The following SPATA6L variants were observed in gnomAD, a reference collection of about 807,000 sequenced individuals.
SPATA6L encodes the protein spermatogenesis associated 6 like.
In SPATA6L, 68 loss-of-function variants were observed where a neutral mutation model predicts 49.2. The ratio of observed to expected loss-of-function variants is 1.38; its 90% CI spans 1.14 to 1.69. The LOEUF (loss-of-function observed/expected upper bound fraction) is 1.69, where lower values mean the gene tolerates loss of function less well. SPATA6L is among the 40% of genes most tolerant of loss of function. The probability of loss-of-function intolerance (pLI) is 0.00; values close to 1 mark genes in which losing one functional copy is unlikely to be tolerated. For missense variants in SPATA6L, 668 were observed against 464.3 expected (o/e 1.44, Z -4.03); for synonymous variants, 198 against 165.7 (o/e 1.19, Z -1.50).
At chr9:4,609,188 T>A (rs966437471) in intron 9 of SPATA6L, among the ~76,000 whole-genome samples, 2 of 151,506 alleles carry the variant, frequency 1.3e-5, no homozygotes, top group African/African-American at 4.9e-5. Context: ...CACGACCAGA[T>A]GGATTCACAG....
At chr9:4,596,856 G>A (rs1252183617), downstream of SPATA6L, among the ~76,000 whole-genome samples, 1 of 152,210 alleles carries the variant, frequency 6.6e-6, no homozygotes, top group Non-Finnish European at 1.5e-5. Flanking sequence ...ACAGAGCAGG[G>A]TTTGCAAACT....
chr9:4,622,134 C>T (rs1359360042), intron 7 of SPATA6L, among the ~76,000 whole-genome samples: 1 of 152,162 alleles, frequency 6.6e-6, no homozygotes, highest in Non-Finnish European at 1.5e-5. Flanking sequence ...ACTCTGCTTC[C>T]CCGGAACAGC....
chr9:4,651,407 C>T (rs1836817904), intron 3 of SPATA6L, among the ~76,000 whole-genome samples: 2 of 152,178 alleles, frequency 1.3e-5, no homozygotes, highest in African/African-American at 2.4e-5. Context: ...CAGATGGCTT[C>T]ACTGGTAAAT....
chr9:4,662,478 G>GGCA lies in SPATA6L; in HGVS notation c.40-445_40-443dup, dbSNP rs762236793. Reference sequence around the variant, plus strand: ...CCCAGCCCATGGCGGCGGTGGCGGCGGCAGCAGGTTTGAGTTCCAGTCCCT... The same window carrying GGCA: ...CCCAGCCCATGGCGGCGGTGGCGGCGGCAGCAGCAGGTTTGAGTTCCAGTCCCT... On this transcript the variant is annotated intron_variant, in intron 1 of 11. Transcript: ENST00000682582. This position sits in a 1 kb window ranked among gnomAD's most constrained non-coding sequence, Gnocchi z 4.9. The GGCA allele has an allele frequency of 1.9e-6, 3 of 1,551,526 alleles. No individual in the cohort carries two copies. The highest frequency in any genetic ancestry group is 1.7e-6 in the Non-Finnish European group (2 of 1,158,306).
At chr9:4,625,217 C>T in intron 6 of SPATA6L, 110 bp downstream of exon 6, 3 of 1,443,620 alleles carry the variant, frequency 2.1e-6, no homozygotes, top group Non-Finnish European at 2.7e-6. Context: ...TTTGAAGTAC[C>T]TTTTTATTGA....
chr9:4,629,203 C>G, intron 4 of SPATA6L, 35 bp from the exon 5 acceptor site: 1 of 1,455,336 alleles, frequency 6.9e-7, no homozygotes, highest in East Asian at 2.3e-5. Context: ...AATAAAATTA[C>G]TAGAAACAGT....
At chr9:4,610,586 C>A (rs888667154) in intron 9 of SPATA6L, among the ~76,000 whole-genome samples, 1 of 150,566 alleles carries the variant, frequency 6.6e-6, no homozygotes, top group Non-Finnish European at 1.5e-5. Flanking sequence ...GGAAAACTGG[C>A]TAGCCATATG....
chr9:4,590,015 C>A (rs1821803677), intron 13 of SPATA6L, among the ~76,000 whole-genome samples: 1 of 152,098 alleles, frequency 6.6e-6, no homozygotes, highest in Non-Finnish European at 1.5e-5. Context: ...CCTCTGCCTC[C>A]TAGGTTCAAG....
At position 4,618,083 on chromosome 9, in the gene SPATA6L, C is replaced by T. The variant is rs774841668; in HGVS notation, c.835G>A (p.Val279Ile). 2.5e-6 allele frequency: 4 copies of T among 1,612,302 alleles called. No homozygotes were observed. The highest frequency in any genetic ancestry group is 2.7e-5 in the African/African-American group (2 of 75,000). ...CATGATGATGAGTCACTCCTTAAAA[C>T]AATCCGTTCATCTGGCTCTTTGATA... The part of the protein sequence containing the change: ...KVIKEPDERI[V>I]LRSDSSSCLD... The change falls in exon 9 of 12, where the codon GTT becomes ATT. Residue 279 changes from valine (V) to isoleucine (I), a missense_variant. Transcript: ENST00000682582.
At chr9:4,643,881 C>T (rs1410344255) in intron 3 of SPATA6L, among the ~76,000 whole-genome samples, 3 of 152,006 alleles carry the variant, frequency 2.0e-5, no homozygotes, top group Admixed American at 6.6e-5. Context: ...TTGGCAGGTG[C>T]CCATAATTCC....
chr9:4,624,727 C>CA (rs58455568), intron 6 of SPATA6L, among the ~76,000 whole-genome samples: 6,030 of 72,076 alleles, frequency 0.084, 244 homozygotes, highest in African/African-American at 0.15. Flanking sequence ...GACTCTGTCT[C>CA]AAAAAAAAAA....
intron 7 of SPATA6L, among the ~76,000 whole-genome samples, chr9:4,619,346 TG>T (rs1828756780): frequency 6.6e-6 from 1 of 151,850 alleles, no homozygotes; most frequent in Admixed American, 6.6e-5. Flanking sequence ...TTAGTAGAAA[TG>T]GGGTTTCACT....
intron 10 of SPATA6L, among the ~76,000 whole-genome samples, chr9:4,605,011 G>A (rs936466448): frequency 6.6e-6 from 1 of 152,140 alleles, no homozygotes; most frequent in African/African-American, 2.4e-5. Context: ...TGTGTGCAGG[G>A]GAAAGGAATG....
chr9:4,651,993 AAAG>A (rs1396716085), intron 3 of SPATA6L, among the ~76,000 whole-genome samples: 3 of 152,244 alleles, frequency 2.0e-5, no homozygotes, highest in Non-Finnish European at 2.9e-5. Context: ...ACAAACTATA[AAAG>A]AAGAAGTAAA....
chr9:4,590,599 A>G (rs1821844014), intron 13 of SPATA6L, among the ~76,000 whole-genome samples: 1 of 152,174 alleles, frequency 6.6e-6, no homozygotes, highest in African/African-American at 2.4e-5. Context: ...GTTGGAGAAA[A>G]TGAGAAAGGA....
downstream of SPATA6L, among the ~76,000 whole-genome samples, chr9:4,596,786 CCAGGTGG>C (rs915936701): frequency 2.8e-4 from 42 of 152,212 alleles, no homozygotes; most frequent in African/African-American, 1.0e-3. Flanking sequence ...TCAGGGCCAA[CCAGGTGG>C]CAGCAAAGGG....
rs947866874 is a variant in SPATA6L at position 4,666,139 on chromosome 9, G to T, written c.39+73C>A. The T allele has an allele frequency of 4.3e-6, 6 of 1,398,722 alleles. No individual in the cohort carries two copies. The African/African-American group carries it at 8.5e-5, about 20-fold the overall frequency. 86.6% of individuals were successfully genotyped at this position (1,398,722 alleles called of 1,614,324 possible). A position where few individuals can be genotyped will look rare whatever the true frequency, so the allele number is the denominator to read the frequency against. ...TGGTAAGTGGGGGATGTGGGGGAGG[G>T]TTGTTGAAAACCACCTGAGACTATT... On this transcript the variant is annotated intron_variant, in intron 1 of 11. Coordinates refer to ENST00000682582, the MANE Select transcript of SPATA6L (RefSeq NM_001353486.2).
At chr9:4,646,144 A>ACCCC (rs568672498) in intron 3 of SPATA6L, among the ~76,000 whole-genome samples, 5 of 151,384 alleles carry the variant, frequency 3.3e-5, no homozygotes, top group African/African-American at 7.3e-5. Context: ...ACACACACAC[A>ACCCC]CCCCACAAAT....
rs1840847109 is a variant in SPATA6L, at chr9:4,666,218, G to C, written c.33C>G (p.Ile11Met). 1 of 1,613,996 alleles carries C rather than the reference G, an allele frequency of 6.2e-7. No homozygotes were observed. Among genetic ancestry groups the C allele is most frequent in the Admixed American group, 1.7e-5 (1 of 59,998 alleles). MPLEVVVELQ[I>M]RAISCPGVFL... ...GAGTTCATCGATCTCTTACCGCCCGGATCTGCAGCTCCACCACCACCTCCA... is the reference window on the plus strand; with the variant it reads ...GAGTTCATCGATCTCTTACCGCCCGCATCTGCAGCTCCACCACCACCTCCA... Residue 11 changes from isoleucine (I) to methionine (M), a missense_variant, in exon 1 of 12, where the codon ATC becomes ATG. By Grantham distance (10) the Ile-to-Met change is conservative. Transcript: ENST00000682582.
Sources: allele counts gnomAD v4.1 joint callset (sites outside exome capture counted in the v4.1 genomes callset), GRCh38; gene constraint gnomAD v4.1.1; non-coding constraint Gnocchi (gnomAD v3.1); transcripts MANE v1.5; gene names NCBI Gene and HGNC (gene_info 2026-07-23, HGNC 2026-07-21).